CDH12: variants seen among roughly 807,000 people sequenced by gnomAD.
CDH12 encodes the protein cadherin 12, also known as cadherin-12.
Under a neutral mutation model 74.1 loss-of-function variants are expected in CDH12, and 41 were observed. The observed-to-expected ratio is 0.55, with a 90% confidence interval of 0.43 to 0.72. The LOEUF (loss-of-function observed/expected upper bound fraction) is 0.72. CDH12 is among the 30% of genes least tolerant of loss of function. The pLI is 0.00. For missense variants in CDH12, 945 were observed against 977.2 expected (o/e 0.97, Z 0.44); for synonymous variants, 399 against 355.0 (o/e 1.12, Z -1.39).
intron 3 of CDH12, among the ~76,000 whole-genome samples, chr5:22,345,223 A>G (rs1347970513): frequency 1.3e-5 from 2 of 152,010 alleles, no homozygotes; most frequent in African/African-American, 4.8e-5. Context: ...CTTCCACATC[A>G]TGCTGATGAT....
Position 22,038,358 on chromosome 5 carries a change from G to A in CDH12, c.231+40088C>T, listed in dbSNP as rs146883155. On this transcript the variant is annotated intron_variant, in intron 5 of 14. Coordinates refer to ENST00000382254, the MANE Select transcript of CDH12 (RefSeq NM_004061.5). ...TTGCAGCTGTGCCCTCTCTCCCTAG[G>A]GGGCTGAGCTGAAGCTGCTCATTGC... is the stretch of plus-strand genomic sequence containing the variant. Among the ~76,000 whole-genome samples, 14 of 152,224 alleles carry A rather than the reference G, an allele frequency of 9.2e-5. No homozygotes were observed. In the East Asian group the frequency reaches 2.5e-3, roughly 27 times the overall value.
chr5:22,738,518 C>T (rs1487422), intron 1 of CDH12, among the ~76,000 whole-genome samples: 133,203 of 151,996 alleles, frequency 0.88, 58,407 homozygotes, highest in East Asian at 0.99. Context: ...ACCTTGTATA[C>T]AGGAGAAAAT....
At chr5:22,274,810 A>T (rs1736553164) in intron 3 of CDH12, among the ~76,000 whole-genome samples, 1 of 152,164 alleles carries the variant, frequency 6.6e-6, no homozygotes, top group South Asian at 2.1e-4. Flanking sequence ...AAATAAAATT[A>T]GAAGTAATAT....
chr5:22,442,061 A>G (rs1432383553), intron 2 of CDH12, among the ~76,000 whole-genome samples: 1 of 152,190 alleles, frequency 6.6e-6, no homozygotes, highest in Non-Finnish European at 1.5e-5. Flanking sequence ...TTAAAGTAAT[A>G]TAACAAAAGA....
At chr5:22,372,500 T>C (rs563943857) in intron 3 of CDH12, among the ~76,000 whole-genome samples, 3 of 152,256 alleles carry the variant, frequency 2.0e-5, no homozygotes, top group African/African-American at 4.8e-5. Flanking sequence ...AGGTGTTTGT[T>C]GTTCCAGAGG....
chr5:22,100,908 G>A (rs1744105510), intron 4 of CDH12, among the ~76,000 whole-genome samples: 1 of 151,958 alleles, frequency 6.6e-6, no homozygotes, highest in Non-Finnish European at 1.5e-5. Context: ...TCAACCAGAT[G>A]AGTTATGTCC....
At chr5:22,745,014 ATATATT>A (rs1226920544) in intron 1 of CDH12, among the ~76,000 whole-genome samples, 3 of 151,050 alleles carry the variant, frequency 2.0e-5, no homozygotes, top group African/African-American at 7.3e-5. Flanking sequence ...GGCTAGCTAA[ATATATT>A]TATATATTAT....
rs546318005 is a variant in CDH12 at position 22,511,219 on chromosome 5, G to A, written c.-522-5855C>T. On this transcript the variant is annotated intron_variant, in intron 1 of 14. Coordinates refer to ENST00000382254, the MANE Select transcript of CDH12 (RefSeq NM_004061.5). ...CAACATATATAATTTTTATGAAATA[G>A]GAAAAGCTTTCTTTAAACAAATATT... is the stretch of plus-strand genomic sequence containing the variant. 9.9e-5 allele frequency among the ~76,000 whole-genome samples: 15 copies of A among 151,996 alleles called. No homozygotes were observed. The East Asian group carries it at 2.7e-3, about 27-fold the overall frequency.
chr5:21,995,614 C>G (rs1192123660), intron 5 of CDH12, among the ~76,000 whole-genome samples: 1 of 151,766 alleles, frequency 6.6e-6, no homozygotes, highest in Non-Finnish European at 1.5e-5. Flanking sequence ...TTTCTCCCCA[C>G]TCCCCTTTCC....
intron 6 of CDH12, among the ~76,000 whole-genome samples, chr5:21,894,020 A>G (rs1459225624): frequency 6.6e-6 from 1 of 152,216 alleles, no homozygotes; most frequent in Non-Finnish European, 1.5e-5. Context: ...GTGCTAGTCC[A>G]AAGAGATGAG....
At chr5:22,462,164 C>G (rs993318960) in intron 2 of CDH12, among the ~76,000 whole-genome samples, 14 of 152,044 alleles carry the variant, frequency 9.2e-5, no homozygotes, top group Admixed American at 3.3e-4. Flanking sequence ...GGAAACTCCC[C>G]AGCAATAAGT....
rs10473568 is a variant in CDH12, at chr5:22,057,691, C to G, written c.231+20755G>C. Among the ~76,000 whole-genome samples, 177 of 152,162 alleles carry G rather than the reference C, an allele frequency of 1.2e-3. 1 individual carries two copies. The highest frequency in any genetic ancestry group is 6.7e-3 in the Admixed American group (102 of 15,272). On this transcript the variant is annotated intron_variant, in intron 5 of 14. Transcript: ENST00000382254. ...CTCTCTATTACTTCCACTTAAACCACGAGAATGGACATTTGCTACTTGAAA... is the reference window on the plus strand; with the variant it reads ...CTCTCTATTACTTCCACTTAAACCAGGAGAATGGACATTTGCTACTTGAAA...
intron 11 of CDH12, among the ~76,000 whole-genome samples, chr5:21,781,975 T>C (rs920204117): frequency 2.0e-5 from 3 of 152,212 alleles, no homozygotes; most frequent in African/African-American, 7.2e-5. Flanking sequence ...AAATAATTTT[T>C]CATATTTATT....
At chr5:22,478,243 T>TC (rs1580690339) in intron 2 of CDH12, among the ~76,000 whole-genome samples, 1 of 151,472 alleles carries the variant, frequency 6.6e-6, no homozygotes, top group Non-Finnish European at 1.5e-5. Context: ...ACCGTGAAAC[T>TC]CCGTCTCTAC....
intron 6 of CDH12, among the ~76,000 whole-genome samples, chr5:21,961,711 C>A (rs1354365742): frequency 6.6e-6 from 1 of 152,108 alleles, no homozygotes; most frequent in African/African-American, 2.4e-5. Context: ...CTAAAAGCCA[C>A]GGAGAGATGT....
At position 22,488,034 on chromosome 5, in the gene CDH12, G is replaced by C. The variant is rs183980408; in HGVS notation, c.-428+17236C>G. Among the ~76,000 whole-genome samples, 44 of 152,320 alleles carry C rather than the reference G, an allele frequency of 2.9e-4. No homozygotes were observed. In the East Asian group the frequency reaches 3.1e-3, roughly 11 times the overall value. The stretch of plus-strand genomic sequence containing the variant: ...TAAAGTATTAATGGCAAAAGCAGAA[G>C]TCATGTAATATATTCTGGAATTGGG... On this transcript the variant is annotated intron_variant, in intron 2 of 14. Coordinates refer to ENST00000382254, the MANE Select transcript of CDH12 (RefSeq NM_004061.5).
chr5:22,663,231 C>T (rs1358718891), intron 1 of CDH12, among the ~76,000 whole-genome samples: 1 of 152,150 alleles, frequency 6.6e-6, no homozygotes, highest in African/African-American at 2.4e-5. Context: ...AATGATGTCT[C>T]TCAAAGGATC....
intron 1 of CDH12, among the ~76,000 whole-genome samples, chr5:22,798,362 A>C (rs528817074): frequency 6.6e-6 from 1 of 152,332 alleles, no homozygotes; most frequent in African/African-American, 2.4e-5. Flanking sequence ...ACTGCTTAAA[A>C]TTCAAATGTA....
At chr5:22,362,480 G>A (rs1214689328) in intron 3 of CDH12, among the ~76,000 whole-genome samples, 2 of 152,148 alleles carry the variant, frequency 1.3e-5, no homozygotes, top group Admixed American at 6.5e-5. Flanking sequence ...TACACTGTTG[G>A]TGGGACTGTA....
Sources: allele counts gnomAD v4.1 joint callset (sites outside exome capture counted in the v4.1 genomes callset), GRCh38; gene constraint gnomAD v4.1.1; transcripts MANE v1.5; gene names NCBI Gene and HGNC (gene_info 2026-07-23, HGNC 2026-07-21).